PRKCA: variants seen among roughly 807,000 people sequenced by gnomAD.
PRKCA encodes the protein protein kinase C alpha type.
A neutral mutation model predicts 87.0 loss-of-function variants in PRKCA; 27 were observed. The ratio of observed to expected loss-of-function variants is 0.31; its 90% CI spans 0.23 to 0.43. The LOEUF is 0.43. Among genes scored for constraint, PRKCA ranks in the 20% least tolerant of loss-of-function variants. The pLI is 1.00. For missense variants in PRKCA, 518 were observed against 852.3 expected (o/e 0.61, Z 4.88); for synonymous variants, 329 against 311.1 (o/e 1.06, Z -0.61).
At chr17:66,477,679 A>G (rs567412402) in intron 2 of PRKCA, among the ~76,000 whole-genome samples, 3 of 152,346 alleles carry the variant, frequency 2.0e-5, no homozygotes, top group Admixed American at 1.3e-4. Context: ...CAGCCTGGGC[A>G]ACAGAGTGAG....
chr17:66,640,202 A>G (rs554504908), intron 3 of PRKCA, among the ~76,000 whole-genome samples: 1 of 152,288 alleles, frequency 6.6e-6, no homozygotes, highest in South Asian at 2.1e-4. Flanking sequence ...ATGAGGCAGA[A>G]AGGATAAGTA....
intron 14 of PRKCA, among the ~76,000 whole-genome samples, chr17:66,780,941 C>G (rs1362146151): frequency 6.6e-6 from 1 of 151,484 alleles, no homozygotes; most frequent in Non-Finnish European, 1.5e-5. Context: ...AACTCCATCT[C>G]TAATAAAAAT....
intron 2 of PRKCA, among the ~76,000 whole-genome samples, chr17:66,480,417 A>T (rs1915730105): frequency 6.6e-6 from 1 of 152,218 alleles, no homozygotes; most frequent in African/African-American, 2.4e-5. Context: ...GTTCCCCAAG[A>T]TAAGCAGAGG....
At chr17:66,363,797 G>A (rs1908537974) in intron 2 of PRKCA, among the ~76,000 whole-genome samples, 1 of 152,120 alleles carries the variant, frequency 6.6e-6, no homozygotes, top group African/African-American at 2.4e-5. Context: ...CTGCCTCCCG[G>A]GTTCAAACGA....
chr17:66,606,982 A>G (rs910756880), intron 3 of PRKCA, among the ~76,000 whole-genome samples: 1 of 152,180 alleles, frequency 6.6e-6, no homozygotes, highest in African/African-American at 2.4e-5. Context: ...AATAATTAAA[A>G]TGACCCAGCG....
At chr17:66,354,978 A>G (rs1314857489) in intron 2 of PRKCA, among the ~76,000 whole-genome samples, 1 of 152,306 alleles carries the variant, frequency 6.6e-6, no homozygotes, top group East Asian at 1.9e-4. Context: ...TTTCCTATAC[A>G]TCGTTACATT....
At chr17:66,652,577 G>A (rs967593585) in intron 5 of PRKCA, among the ~76,000 whole-genome samples, 2 of 152,120 alleles carry the variant, frequency 1.3e-5, no homozygotes, top group African/African-American at 4.8e-5. Flanking sequence ...CCAGGCGGGG[G>A]TTGGGGCCAA....
At chr17:66,430,267 C>T (rs560822551) in intron 2 of PRKCA, among the ~76,000 whole-genome samples, 2 of 152,076 alleles carry the variant, frequency 1.3e-5, no homozygotes, top group Admixed American at 6.5e-5. Flanking sequence ...GGGGCAACAC[C>T]GAATACAGGG....
At chr17:66,651,079 G>A (rs1971580554) in intron 5 of PRKCA, among the ~76,000 whole-genome samples, 1 of 152,148 alleles carries the variant, frequency 6.6e-6, no homozygotes, top group Admixed American at 6.5e-5. Context: ...GGCAGCAGGT[G>A]ACAGCTTCAC....
chr17:66,745,009 G>A (rs565487318), intron 13 of PRKCA, among the ~76,000 whole-genome samples: 1 of 152,172 alleles, frequency 6.6e-6, no homozygotes, highest in East Asian at 1.9e-4. Flanking sequence ...ATTATATGGG[G>A]CCCACTTGGA....
At chr17:66,382,763 G>A (rs765686700) in intron 2 of PRKCA, among the ~76,000 whole-genome samples, 31 of 152,106 alleles carry the variant, frequency 2.0e-4, no homozygotes, top group Non-Finnish European at 8.8e-5. Flanking sequence ...TTATACTGGG[G>A]CTGGAGGGCT....
At chr17:66,715,698 C>A (rs776327645) in intron 8 of PRKCA, among the ~76,000 whole-genome samples, 8 of 152,208 alleles carry the variant, frequency 5.3e-5, no homozygotes, top group Non-Finnish European at 1.0e-4. Context: ...CTGGCACTTA[C>A]GTGAGTGATT....
At chr17:66,499,815 A>G (rs569037847) in intron 3 of PRKCA, among the ~76,000 whole-genome samples, 19 of 152,270 alleles carry the variant, frequency 1.2e-4, no homozygotes, top group Admixed American at 3.9e-4. Flanking sequence ...TAGATATTCA[A>G]TGCAGTCCTG....
At chr17:66,785,757 G>A (rs772043808) in intron 14 of PRKCA, among the ~76,000 whole-genome samples, 2 of 152,326 alleles carry the variant, frequency 1.3e-5, no homozygotes, top group East Asian at 1.9e-4. Flanking sequence ...TTCATTCGGC[G>A]CTTATTGGGT....
chr17:66,728,496 G>C (rs7215972), intron 8 of PRKCA, among the ~76,000 whole-genome samples: 102,336 of 152,142 alleles, frequency 0.67, 34,524 homozygotes, highest in East Asian at 0.71. Flanking sequence ...TGTGGATATT[G>C]CTCTCAAACC....
intron 2 of PRKCA, among the ~76,000 whole-genome samples, chr17:66,377,240 G>A (rs1224321857): frequency 6.6e-6 from 1 of 151,802 alleles, no homozygotes; most frequent in African/African-American, 2.4e-5. Context: ...GGCCAGGCTG[G>A]GCTCGAACTC....
chr17:66,746,051 A>G (rs1974275325), intron 13 of PRKCA, among the ~76,000 whole-genome samples: 1 of 152,130 alleles, frequency 6.6e-6, no homozygotes, highest in South Asian at 2.1e-4. Flanking sequence ...ACCAGCAGGA[A>G]TGAAAATCTA....
chr17:66,693,560 T>G (rs2144057481), intron 8 of PRKCA, among the ~76,000 whole-genome samples: 1 of 152,254 alleles, frequency 6.6e-6, no homozygotes, highest in South Asian at 2.1e-4. Flanking sequence ...CAGGCACTAT[T>G]GAGGACAACT....
At chr17:66,697,136 A>G (rs1281332928) in intron 8 of PRKCA, among the ~76,000 whole-genome samples, 1 of 152,244 alleles carries the variant, frequency 6.6e-6, no homozygotes, top group Non-Finnish European at 1.5e-5. Context: ...AGAGGAACCC[A>G]GTCTGTCTAC....
Sources: gnomAD v4.1 joint callset for allele counts (sites outside exome capture counted in the v4.1 genomes callset) on GRCh38, gnomAD v4.1.1 for gene constraint, MANE v1.5 for transcripts, NCBI Gene and HGNC (gene_info 2026-07-23, HGNC 2026-07-21) for gene names.